ERBB2: variants seen among roughly 807,000 people sequenced by gnomAD.
The protein encoded by ERBB2 is receptor tyrosine-protein kinase erbB-2.
In ERBB2, 61 loss-of-function variants were observed where a neutral mutation model predicts 149.0. The observed-to-expected ratio is 0.41, with a 90% CI of 0.33 to 0.51. The LOEUF is 0.51. ERBB2 is among the 20% of genes least tolerant of loss of function. ERBB2 has a pLI of 0.25. For missense variants in ERBB2, 1,205 were observed against 1,655.1 expected (o/e 0.73, Z 4.72); for synonymous variants, 633 against 678.8 (o/e 0.93, Z 1.05).
chr17:39,726,643 G>A lies in ERBB2; in HGVS notation c.2954G>A (p.Arg985His), dbSNP rs1377136060. 5 of 1,614,160 alleles carry A rather than the reference G, an allele frequency of 3.1e-6. No homozygotes were observed. The South Asian group carries it at 3.3e-5, about 11-fold the overall frequency. ...EFSRMARDPQRFVVIQNEDLG... is the reference protein window; with the variant it reads ...EFSRMARDPQHFVVIQNEDLG... ...TCCCGCATGGCCAGGGACCCCCAGC[G>A]CTTTGTGGTCATCCAGGTACTGGGC... The change falls in exon 24 of 27, where the codon CGC (arginine) becomes CAC (histidine). Residue 985 changes from arginine (R) to histidine (H), a missense_variant. Coordinates refer to ENST00000269571, the MANE Select transcript of ERBB2 (RefSeq NM_004448.4). The surrounding 1 kb of genome is among the most constrained non-coding windows in gnomAD (Gnocchi z 5.1).
chr17:39,706,814 G>T (rs1317055891), intron 1 of ERBB2, 176 bp from the exon 2 acceptor site: 5 of 471,330 alleles, frequency 1.1e-5, no homozygotes, highest in Non-Finnish European at 1.4e-5. Flanking sequence ...TCCCAAGCAC[G>T]CAAGCTTTCT....
Position 39,727,678 on chromosome 17 carries a change from T to C in ERBB2, c.3413-11T>C. ...CTTCCCCTAATGGGTCACCTTCTCTTGACCTTTCAGAATATGTGAACCAGC... is the reference window on the plus strand; with the variant it reads ...CTTCCCCTAATGGGTCACCTTCTCTCGACCTTTCAGAATATGTGAACCAGC... On this transcript the variant is annotated splice_polypyrimidine_tract_variant and intron_variant, in intron 26 of 26. Transcript: ENST00000269571. This position sits in a 1 kb window ranked among gnomAD's most constrained non-coding sequence, Gnocchi z 4.3. The C allele has an allele frequency of 6.5e-7, 1 of 1,546,874 alleles. No homozygotes were observed. The highest frequency in any genetic ancestry group is 1.2e-5 in the South Asian group (1 of 81,004).
At chr17:39,702,588 T>A (rs565400809) in intron 1 of ERBB2, among the ~76,000 whole-genome samples, 1 of 152,144 alleles carries the variant, frequency 6.6e-6, no homozygotes, top group African/African-American at 2.4e-5. Context: ...AAAAAACAAT[T>A]GAAAAGATAG....
upstream of ERBB2, among the ~76,000 whole-genome samples, chr17:39,697,648 A>C (rs1302325345): frequency 6.6e-6 from 1 of 151,688 alleles, no homozygotes; most frequent in African/African-American, 2.4e-5. Context: ...GAGCCACCGC[A>C]CCCAGCCGTG....
chr17:39,691,934 CATATATATATATAT>C (rs57592884), upstream of ERBB2, among the ~76,000 whole-genome samples: 1 of 120,884 alleles, frequency 8.3e-6, no homozygotes, highest in African/African-American at 3.6e-5. Flanking sequence ...TATACATATA[CATATATATATATAT>C]ATATATATAT....
Position 39,708,350 on chromosome 17 carries a change from C to T in ERBB2, c.255C>T (p.Leu85=), listed in dbSNP as rs941215486. 1.2e-6 allele frequency: 2 copies of T among 1,614,056 alleles called. No homozygotes were observed. Among genetic ancestry groups the T allele is most frequent in the African/African-American group, 2.7e-5 (2 of 74,936 alleles). ...QDIQEVQGYV[L]IAHNQVRQVP... ...TCCAGGAGGTGCAGGGCTACGTGCTCATCGCTCACAACCAAGTGAGGCAGG... is the reference window on the plus strand; with the variant it reads ...TCCAGGAGGTGCAGGGCTACGTGCTTATCGCTCACAACCAAGTGAGGCAGG... Residue 85 remains leucine (L), a synonymous_variant, in exon 3 of 27, where the codon CTC becomes CTT. Coordinates refer to ENST00000269571, the MANE Select transcript of ERBB2 (RefSeq NM_004448.4).
rs942925907 is a variant in ERBB2, at chr17:39,727,345, C to A, written c.3210C>A (p.Ala1070=). The A allele has an allele frequency of 6.2e-7, 1 of 1,612,088 alleles. No individual in the cohort carries two copies. The highest frequency in any genetic ancestry group is 2.2e-5 in the East Asian group (1 of 44,872). The part of the protein sequence containing the change: ...TLGLEPSEEE[A]PRSPLAPSEG... ...GGCTGGAGCCCTCTGAAGAGGAGGC[C>A]CCCAGGTCTCCACTGGCACCCTCCG... Residue 1070 remains alanine, a synonymous_variant, in exon 26 of 27, where the codon GCC becomes GCA. Coordinates refer to ENST00000269571, the MANE Select transcript of ERBB2 (RefSeq NM_004448.4). The surrounding 1 kb of genome is among the most constrained non-coding windows in gnomAD (Gnocchi z 4.3).
At chr17:39,693,205 C>T (rs1205975449), upstream of ERBB2, 1 of 152,232 alleles carries the variant, frequency 6.6e-6, no homozygotes, top group Non-Finnish European at 1.5e-5. Flanking sequence ...ACCTCTGCCA[C>T]CCCCAAAATA....
intron 16 of ERBB2, among the ~76,000 whole-genome samples, chr17:39,722,860 G>A (rs867306744): frequency 6.6e-6 from 1 of 152,044 alleles, no homozygotes; most frequent in African/African-American, 2.4e-5. Context: ...GGGATTACAG[G>A]CACCCACACC....
Position 39,727,826 on chromosome 17 carries a change from G to T in ERBB2, c.3550G>T (p.Val1184Phe). 1 of 1,614,078 alleles carries T rather than the reference G, an allele frequency of 6.2e-7. No individual in the cohort carries two copies. The highest frequency in any genetic ancestry group is 8.5e-7 in the Non-Finnish European group (1 of 1,179,944). Reference protein sequence around the residue: ...SPGKNGVVKDVFAFGGAVENP... With the variant: ...SPGKNGVVKDFFAFGGAVENP... ...AGGGAAGAATGGGGTCGTCAAAGAC[G>T]TTTTTGCCTTTGGGGGTGCCGTGGA... Residue 1184 changes from valine (V) to phenylalanine (F), a missense_variant, in exon 27 of 27, where the codon GTT (valine) becomes TTT (phenylalanine). Around this residue, in one of 6 missense-constraint regions of ERBB2, gnomAD observed 312 missense variants for 343.8 expected, o/e 0.91. Transcript: ENST00000269571. This position sits in a 1 kb window ranked among gnomAD's most constrained non-coding sequence, Gnocchi z 4.3.
At chr17:39,724,211 T>G (rs1429732883) in intron 19 of ERBB2, among the ~76,000 whole-genome samples, 1 of 150,060 alleles carries the variant, frequency 6.7e-6, no homozygotes. Flanking sequence ...CTCCACCTCC[T>G]GGACTCAAGC....
rs2145642008 is a variant in ERBB2 at position 39,715,533 on chromosome 17, A to C, written c.1310A>C (p.His437Pro). 2 of 1,614,062 alleles carry C rather than the reference A, an allele frequency of 1.2e-6. No individual in the cohort carries two copies. Among genetic ancestry groups the C allele is most frequent in the Non-Finnish European group, 1.7e-6 (2 of 1,179,914 alleles). ...NLQVIRGRIL[H>P]NGAYSLTLQG... ...CAAGTAATCCGGGGACGAATTCTGCACAAGTGAGCACTGAGAAAGAGGGGG... is the reference window on the plus strand; with the variant it reads ...CAAGTAATCCGGGGACGAATTCTGCCCAAGTGAGCACTGAGAAAGAGGGGG... The change falls in exon 11 of 27, where the codon CAC becomes CCC. Residue 437 changes from histidine to proline, a missense_variant. His to Pro is a moderately conservative substitution (Grantham distance 77, BLOSUM62 -2). Coordinates refer to ENST00000269571, the MANE Select transcript of ERBB2 (RefSeq NM_004448.4).
Position 39,720,621 on chromosome 17 carries a change from C to A in ERBB2, c.1946+787C>A, listed in dbSNP as rs561599008. Among the ~76,000 whole-genome samples the A allele has an allele frequency of 2.6e-5, 4 of 152,066 alleles. No individual in the cohort carries two copies. The East Asian group carries it at 7.7e-4, about 29-fold the overall frequency. ...GTGACAAGAATATTGGATCAACACC[C>A]GGGAGCTCCATCTATCCCAGGATGC... On this transcript the variant is annotated intron_variant, in intron 16 of 26. Transcript: ENST00000269571.
chr17:39,715,560 C>T (rs1475556242), intron 11 of ERBB2, 24 bp downstream of exon 11: 1 of 1,609,778 alleles, frequency 6.2e-7, no homozygotes, highest in Non-Finnish European at 8.5e-7. Context: ...AAGAGGGGGC[C>T]TGATGGGGAG....
rs2058856061 is a variant in ERBB2 at position 39,712,309 on chromosome 17, C to T, written c.1022-13C>T. ...TGAGACGGCCCCTTCCCCACCCACC[C>T]CCACCTCCTCAGTGTGCTATGGTCT... On this transcript the variant is annotated splice_polypyrimidine_tract_variant and intron_variant, in intron 8 of 26. Transcript: ENST00000269571. 6.2e-7 allele frequency: 1 copy of T among 1,613,634 alleles called. No homozygotes were observed. The highest frequency in any genetic ancestry group is 8.5e-7 in the Non-Finnish European group (1 of 1,179,778).
At position 39,712,018 on chromosome 17, in the gene ERBB2, G is replaced by A. The variant is rs564382616; in HGVS notation, c.992G>A (p.Cys331Tyr). Residue 331 changes from cysteine to tyrosine, a missense_variant, in exon 8 of 27, where the codon TGT becomes TAT. Cys to Tyr is a radical substitution (Grantham distance 194, BLOSUM62 -2). This residue lies in a region of ERBB2 where 569 missense variants were observed against 803.5 expected (regional missense o/e 0.71). Transcript: ENST00000269571. ...EVTAEDGTQRCEKCSKPCARV... is the reference protein window; with the variant it reads ...EVTAEDGTQRYEKCSKPCARV... ...ACAGCAGAGGATGGAACACAGCGGTGTGAGAAGTGCAGCAAGCCCTGTGCC... is the reference window on the plus strand; with the variant it reads ...ACAGCAGAGGATGGAACACAGCGGTATGAGAAGTGCAGCAAGCCCTGTGCC... 20 of 1,614,118 alleles carry A rather than the reference G, an allele frequency of 1.2e-5. No individual in the cohort carries two copies. In the Admixed American group the frequency reaches 2.5e-4, roughly 20 times the overall value.
upstream of ERBB2, chr17:39,699,424 G>A: frequency 2.5e-6 from 2 of 796,310 alleles, no homozygotes; most frequent in Non-Finnish European, 3.9e-6. Context: ...TCGCGCCATT[G>A]CTCTCCAGCC....
intron 7 of ERBB2, 90 bp from the exon 8 acceptor site, chr17:39,711,835 ATAT>A: frequency 2.0e-6 from 3 of 1,482,418 alleles, no homozygotes; most frequent in Non-Finnish European, 2.8e-6. Context: ...GTATTGGTTG[ATAT>A]TATTCTTCTT....
At chr17:39,697,349 G>GTTTTT (rs1452125824), upstream of ERBB2, among the ~76,000 whole-genome samples, 6 of 132,332 alleles carry the variant, frequency 4.5e-5, no homozygotes, top group East Asian at 4.3e-4. Flanking sequence ...TTGTTTTTTT[G>GTTTTT]TTTTGTTTTT....
Sources: gnomAD v4.1 joint callset for allele counts (sites outside exome capture counted in the v4.1 genomes callset) on GRCh38, gnomAD v4.1.1 for gene constraint, gnomAD v4.1.1 regional missense constraint, Gnocchi (gnomAD v3.1) non-coding constraint, MANE v1.5 for transcripts, NCBI Gene and HGNC (gene_info 2026-07-23, HGNC 2026-07-21) for gene names.